FLNB: variants seen among roughly 807,000 people sequenced by gnomAD.
The protein encoded by FLNB is filamin B.
Under a neutral mutation model 250.6 loss-of-function variants are expected in FLNB, and 111 were observed. The observed-to-expected ratio is 0.44, with a 90% CI of 0.38 to 0.52. FLNB has a LOEUF of 0.52. FLNB is among the 20% of genes least tolerant of loss of function. The pLI is 0.00. For synonymous variants in FLNB, 1,302 were observed against 1,372.1 expected (o/e 0.95, Z 1.13); for missense variants, 2,869 against 3,447.8 (o/e 0.83, Z 4.20).
In FLNB at chr3:58,020,436, C is replaced by T. The variant is rs554473154; in HGVS notation, c.292+11580C>T. Among the ~76,000 whole-genome samples, 9 of 152,294 alleles carry T rather than the reference C, an allele frequency of 5.9e-5. No homozygotes were observed. In the South Asian group the frequency reaches 6.2e-4, roughly 11 times the overall value. On this transcript the variant is annotated intron_variant, in intron 1 of 45. Coordinates refer to ENST00000295956, the MANE Select transcript of FLNB (RefSeq NM_001457.4). ...GCCAGAGCTGAACTTGTGATCCCCA[C>T]GGGCATCTCCTGAGGCGCACCTCTC...
At chr3:58,082,051 A>G (rs2097209895) in intron 4 of FLNB, among the ~76,000 whole-genome samples, 2 of 152,136 alleles carry the variant, frequency 1.3e-5, no homozygotes, top group African/African-American at 2.4e-5. Flanking sequence ...CAGAAGAGGA[A>G]TCGCGGGGTA....
chr3:58,090,810 G>A (rs1041174440), intron 4 of FLNB, among the ~76,000 whole-genome samples: 6 of 152,118 alleles, frequency 3.9e-5, no homozygotes, highest in East Asian at 1.9e-4. Context: ...GGTGGCTCAC[G>A]CCTGTAATCC....
chr3:58,034,400 A>AT (rs56948095), intron 1 of FLNB, among the ~76,000 whole-genome samples: 4,063 of 140,934 alleles, frequency 0.029, 130 homozygotes, highest in African/African-American at 0.089. Flanking sequence ...TTTAAAGACA[A>AT]TTTTTTTTTT....
intron 34 of FLNB, among the ~76,000 whole-genome samples, chr3:58,147,775 C>T (rs954019577): frequency 2.0e-5 from 3 of 152,220 alleles, no homozygotes; most frequent in African/African-American, 7.2e-5. Flanking sequence ...ATTCTCCTGC[C>T]TCAGCCTCCT....
intron 36 of FLNB, 155 bp from the exon 37 acceptor site, chr3:58,149,695 C>A: frequency 1.2e-6 from 1 of 867,658 alleles, no homozygotes; most frequent in Non-Finnish European, 1.8e-6. Flanking sequence ...ACCTACTCAT[C>A]CCCCTCTGGG....
At chr3:58,012,081 C>T (rs2106672534) in intron 1 of FLNB, among the ~76,000 whole-genome samples, 1 of 152,016 alleles carries the variant, frequency 6.6e-6, no homozygotes, top group African/African-American at 2.4e-5. Flanking sequence ...CATGGTGGTG[C>T]ACACCTGTAG....
intron 1 of FLNB, among the ~76,000 whole-genome samples, chr3:58,027,347 TCA>T (rs2097124904): frequency 6.6e-6 from 1 of 150,986 alleles, no homozygotes. Flanking sequence ...AGATAGAGGC[TCA>T]CTGTCACCCA....
At chr3:58,041,465 T>G (rs915483334) in intron 1 of FLNB, among the ~76,000 whole-genome samples, 1 of 152,124 alleles carries the variant, frequency 6.6e-6, no homozygotes, top group African/African-American at 2.4e-5. Context: ...CCTTCAGTGG[T>G]GAGGAGGTTG....
intron 4 of FLNB, among the ~76,000 whole-genome samples, chr3:58,082,434 G>T (rs2097210506): frequency 6.6e-6 from 1 of 152,030 alleles, no homozygotes; most frequent in South Asian, 2.1e-4. Context: ...CCTTTTCTAT[G>T]GGGGAGGGGA....
chr3:58,123,919 TG>T lies in FLNB; in HGVS notation c.3724+233del, dbSNP rs1256138479. On this transcript the variant is annotated intron_variant, in intron 21 of 45. Coordinates refer to ENST00000295956, the MANE Select transcript of FLNB (RefSeq NM_001457.4). Reference sequence around the variant, plus strand: ...TCAACCCCTGTTTTCTGTTTCTCCATGGGGAACAGGACCTAGCATTGTCAGC... The same window carrying T: ...TCAACCCCTGTTTTCTGTTTCTCCATGGGAACAGGACCTAGCATTGTCAGC... 3.3e-5 allele frequency among the ~76,000 whole-genome samples: 5 copies of T among 152,080 alleles called. No individual in the cohort carries two copies. In the East Asian group the frequency reaches 9.6e-4, roughly 29 times the overall value.
intron 32 of FLNB, among the ~76,000 whole-genome samples, chr3:58,145,424 T>TA (rs968593137): frequency 4.6e-5 from 7 of 152,200 alleles, no homozygotes; most frequent in African/African-American, 1.2e-4. Context: ...TGTGAACACT[T>TA]AGGTCTTTTC....
chr3:58,022,744 T>TG (rs1369985932), intron 1 of FLNB, among the ~76,000 whole-genome samples: 1 of 152,164 alleles, frequency 6.6e-6, no homozygotes, highest in African/African-American at 2.4e-5. Context: ...CTCAGATTCT[T>TG]GTCTGAGATT....
At chr3:58,112,430 G>A in intron 18 of FLNB, 112 bp downstream of exon 18, 4 of 1,100,470 alleles carry the variant, frequency 3.6e-6, no homozygotes, top group Non-Finnish European at 4.1e-6. Flanking sequence ...CTGCCAAAGT[G>A]CTCCCTGATG....
Position 58,163,147 on chromosome 3 carries a change from C to T in FLNB, c.7022-7C>T. ...ATTTCACCCTGTGCCTTTGCTCATTCTCCTAGATAAGTATGCTGTTCGCTT... is the reference window on the plus strand; with the variant it reads ...ATTTCACCCTGTGCCTTTGCTCATTTTCCTAGATAAGTATGCTGTTCGCTT... On this transcript the variant is annotated splice_region_variant and splice_polypyrimidine_tract_variant and intron_variant, in intron 42 of 45. Transcript: ENST00000295956. The T allele has an allele frequency of 6.2e-7, 1 of 1,614,036 alleles. No homozygotes were observed. Among genetic ancestry groups the T allele is most frequent in the East Asian group, 2.2e-5 (1 of 44,876 alleles).
chr3:58,039,530 G>A (rs1450104425), intron 1 of FLNB, among the ~76,000 whole-genome samples: 1 of 152,150 alleles, frequency 6.6e-6, no homozygotes, highest in Admixed American at 6.6e-5. Context: ...CCCTTGCCTT[G>A]TTTTCCCAGC....
At chr3:58,151,657 T>A (rs2097345216) in intron 38 of FLNB, among the ~76,000 whole-genome samples, 2 of 152,186 alleles carry the variant, frequency 1.3e-5, no homozygotes, top group African/African-American at 4.8e-5. Context: ...ATGACCCTGA[T>A]AAAATGCCAT....
At chr3:58,032,734 C>T (rs1223739846) in intron 1 of FLNB, among the ~76,000 whole-genome samples, 2 of 152,136 alleles carry the variant, frequency 1.3e-5, no homozygotes, top group Non-Finnish European at 2.9e-5. Flanking sequence ...GTATCCCAGG[C>T]ACCTGCATAT....
In FLNB at chr3:58,027,897, A is replaced by G. The variant is rs114005416; in HGVS notation, c.292+19041A>G. On this transcript the variant is annotated intron_variant, in intron 1 of 45. Coordinates refer to ENST00000295956, the MANE Select transcript of FLNB (RefSeq NM_001457.4). The stretch of plus-strand genomic sequence containing the variant: ...GGAAGGTAACCATAAATAAACCCCA[A>G]ACAGTTATTAAATTCCAGCCAGCAC... Among the ~76,000 whole-genome samples, 874 of 152,292 alleles carry G rather than the reference A, an allele frequency of 5.7e-3. 9 individuals carry two copies. The highest frequency in any genetic ancestry group is 0.02 in the African/African-American group (826 of 41,548).
At chr3:58,133,189 ATAGAAC>A (rs2097310527) in intron 26 of FLNB, among the ~76,000 whole-genome samples, 1 of 152,182 alleles carries the variant, frequency 6.6e-6, no homozygotes, top group African/African-American at 2.4e-5. Flanking sequence ...CAAGTATTAC[ATAGAAC>A]CTGCAACTTG....
Sources: gnomAD v4.1 joint callset for allele counts (sites outside exome capture counted in the v4.1 genomes callset) on GRCh38, gnomAD v4.1.1 for gene constraint, MANE v1.5 for transcripts, NCBI Gene and HGNC (gene_info 2026-07-23, HGNC 2026-07-21) for gene names.